GRHL2: variants seen among roughly 807,000 people sequenced by gnomAD.
GRHL2 encodes the protein grainyhead like transcription factor 2.
GRHL2 carries 21 observed loss-of-function variants against 83.8 expected under a neutral mutation model. The ratio of observed to expected loss-of-function variants is 0.25; its 90% CI spans 0.18 to 0.36. The LOEUF is 0.36. GRHL2 is among the 10% of genes least tolerant of loss of function. GRHL2 has a pLI of 1.00. For missense variants in GRHL2, 623 were observed against 781.8 expected (o/e 0.80, Z 2.42); for synonymous variants, 280 against 278.9 (o/e 1.00, Z -0.04).
At chr8:101,640,112 G>A (rs1298845080) in intron 12 of GRHL2, among the ~76,000 whole-genome samples, 4 of 152,146 alleles carry the variant, frequency 2.6e-5, no homozygotes, top group African/African-American at 4.8e-5. Context: ...CTGCACAATC[G>A]AATCACCTGG....
At chr8:101,653,615 C>G (rs1401840775) in intron 14 of GRHL2, among the ~76,000 whole-genome samples, 1 of 152,024 alleles carries the variant, frequency 6.6e-6, no homozygotes. Flanking sequence ...TGCTGGCATG[C>G]GCTGTAGTCC....
intron 1 of GRHL2, among the ~76,000 whole-genome samples, chr8:101,509,924 A>G (rs1399640959): frequency 6.6e-6 from 1 of 152,192 alleles, no homozygotes; most frequent in Non-Finnish European, 1.5e-5. Context: ...CCTCCATAAA[A>G]CCTATAAAGC....
chr8:101,678,873 T>A, the GRHL2 span, among the ~76,000 whole-genome samples: 5 of 145,154 alleles, frequency 3.4e-5, no homozygotes, highest in Non-Finnish European at 7.6e-5. Flanking sequence ...TCCTGTCTGT[T>A]AGAAGGAAAA....
intron 1 of GRHL2, among the ~76,000 whole-genome samples, chr8:101,504,227 G>C (rs59219670): frequency 0.018 from 2,720 of 152,260 alleles, 83 homozygotes; most frequent in African/African-American, 0.061. Context: ...CATGCTGCCT[G>C]TCGGTTCTGT....
At chr8:101,649,207 A>G (rs1382906305) in intron 13 of GRHL2, among the ~76,000 whole-genome samples, 2 of 152,182 alleles carry the variant, frequency 1.3e-5, no homozygotes, top group Non-Finnish European at 1.5e-5. Flanking sequence ...TATCTCATCT[A>G]ATCACTCCTT....
chr8:101,532,832 A>C (rs1810966209), intron 1 of GRHL2, among the ~76,000 whole-genome samples: 1 of 151,446 alleles, frequency 6.6e-6, no homozygotes, highest in African/African-American at 2.4e-5. Flanking sequence ...TGTGAGAGAG[A>C]GATAGAGAGA....
At chr8:101,569,300 T>C (rs1811775706) in intron 4 of GRHL2, among the ~76,000 whole-genome samples, 1 of 152,192 alleles carries the variant, frequency 6.6e-6, no homozygotes, top group South Asian at 2.1e-4. Flanking sequence ...CTTCTTTGTG[T>C]GTAATACTAA....
chr8:101,583,505 T>A (rs1586118231), intron 7 of GRHL2, among the ~76,000 whole-genome samples: 1 of 151,978 alleles, frequency 6.6e-6, no homozygotes, highest in South Asian at 2.1e-4. Context: ...CAAGGCCAAG[T>A]GTTGAGGGAG....
chr8:101,673,928 G>C (rs1280357770), downstream of GRHL2, among the ~76,000 whole-genome samples: 1 of 152,064 alleles, frequency 6.6e-6, no homozygotes, highest in Non-Finnish European at 1.5e-5. Flanking sequence ...TGACTACATG[G>C]AAACTGAGCA....
At chr8:101,569,761 T>C (rs916204672) in intron 4 of GRHL2, among the ~76,000 whole-genome samples, 2 of 152,238 alleles carry the variant, frequency 1.3e-5, no homozygotes, top group African/African-American at 2.4e-5. Context: ...TGAGCCACCA[T>C]GCCCAGCCTA....
chr8:101,611,730 G>T (rs573050918), intron 8 of GRHL2, among the ~76,000 whole-genome samples: 1 of 150,924 alleles, frequency 6.6e-6, no homozygotes, highest in Admixed American at 6.6e-5. Flanking sequence ...CCTCAGAGAT[G>T]CACACTTGGC....
chr8:101,595,245 T>TTGTTCTATATTG (rs1394699719), intron 7 of GRHL2, among the ~76,000 whole-genome samples: 1 of 152,234 alleles, frequency 6.6e-6, no homozygotes, highest in East Asian at 1.9e-4. Flanking sequence ...TTAGAGTATT[T>TTGTTCTATATTG]TATCTGTATC....
intron 14 of GRHL2, among the ~76,000 whole-genome samples, chr8:101,663,642 T>A (rs556673852): frequency 5.6e-4 from 85 of 151,096 alleles, no homozygotes; most frequent in East Asian, 1.2e-3. Context: ...AATAAATAAA[T>A]AAAAATAAAA....
Position 101,634,247 on chromosome 8 carries a change from C to A in GRHL2, c.1485+1882C>A, listed in dbSNP as rs190668996. On this transcript the variant is annotated intron_variant, in intron 11 of 15. Coordinates refer to ENST00000646743, the MANE Select transcript of GRHL2 (RefSeq NM_024915.4). Reference sequence around the variant, plus strand: ...ATGAGGGGGTCAATGAAGAAGCCTGCCCTGAGCTTCTGGCAAAAAAGGAAC... The same window carrying A: ...ATGAGGGGGTCAATGAAGAAGCCTGACCTGAGCTTCTGGCAAAAAAGGAAC... Among the ~76,000 whole-genome samples the A allele has an allele frequency of 5.7e-4, 87 of 152,258 alleles. 1 individual carries two copies. Among genetic ancestry groups the A allele is most frequent in the Middle Eastern group, 6.8e-3 (2 of 294 alleles).
chr8:101,652,384 GGT>G (rs1269980354), intron 14 of GRHL2, among the ~76,000 whole-genome samples: 1 of 61,440 alleles, frequency 1.6e-5, no homozygotes, highest in East Asian at 4.5e-4. Flanking sequence ...ATGTGTGTGT[GGT>G]GTGTGTGTGT....
chr8:101,616,264 A>G (rs1174048158), intron 8 of GRHL2, among the ~76,000 whole-genome samples: 1 of 151,588 alleles, frequency 6.6e-6, no homozygotes, highest in Non-Finnish European at 1.5e-5. Context: ...TCCACCTCCC[A>G]GGTTCAAGAG....
chr8:101,586,449 A>C (rs1489273187), intron 7 of GRHL2, among the ~76,000 whole-genome samples: 1 of 152,120 alleles, frequency 6.6e-6, no homozygotes, highest in Non-Finnish European at 1.5e-5. Context: ...CCTGGAAGAC[A>C]TCTCACACCT....
At chr8:101,679,309 G>A in the GRHL2 span, among the ~76,000 whole-genome samples, 2 of 150,034 alleles carry the variant, frequency 1.3e-5, no homozygotes, top group Non-Finnish European at 3.0e-5. Flanking sequence ...GCAATCAACT[G>A]GAAGAAAGGG....
At chr8:101,596,222 C>T (rs1165012888) in intron 7 of GRHL2, among the ~76,000 whole-genome samples, 2 of 152,078 alleles carry the variant, frequency 1.3e-5, no homozygotes, top group Non-Finnish European at 2.9e-5. Context: ...CAACCTCTTT[C>T]ACAATCAATA....
Sources: gnomAD v4.1 joint callset for allele counts (sites outside exome capture counted in the v4.1 genomes callset) on GRCh38, gnomAD v4.1.1 for gene constraint, MANE v1.5 for transcripts, NCBI Gene and HGNC (gene_info 2026-07-23, HGNC 2026-07-21) for gene names.